The following ERCC3 variants were observed in gnomAD, a reference collection of about 807,000 sequenced individuals.
The protein encoded by ERCC3 is general transcription and DNA repair factor IIH helicase/translocase subunit XPB.
ERCC3 carries 66 observed loss-of-function variants against 94.2 expected under a neutral mutation model. The observed-to-expected ratio is 0.70, with a 90% CI of 0.57 to 0.86. The LOEUF is 0.86. Among genes scored for constraint, ERCC3 ranks in the 40% least tolerant of loss-of-function variants. The pLI is 0.00. For synonymous variants in ERCC3, 349 were observed against 369.1 expected, an observed-to-expected ratio of 0.95 and a Z score of 0.63; for missense variants, 829 against 987.1, an observed-to-expected ratio of 0.84 and a Z score of 2.15.
Position 127,259,206 on chromosome 2 carries a change from T to C in ERCC3, c.2217+90A>G. 6.8e-7 allele frequency: 1 copy of C among 1,470,822 alleles called. No individual in the cohort carries two copies. The highest frequency in any genetic ancestry group is 9.5e-7 in the Non-Finnish European group (1 of 1,053,672). 91.1% of individuals were successfully genotyped at this position (1,470,822 alleles called of 1,614,324 possible). A position where few individuals can be genotyped will look rare whatever the true frequency, so the allele number is the denominator to read the frequency against. On this transcript the variant is annotated intron_variant, in intron 14 of 14. Transcript: ENST00000285398. The surrounding 1 kb of genome is among the most constrained non-coding windows in gnomAD (Gnocchi z 4.9). ...TTTCCAAAAAAATCCCATGGGCCCA[T>C]CCAGGCAGGACTACATGTCTGTGTC...
intron 1 of ERCC3, 160 bp downstream of exon 1, chr2:127,293,894 G>C: frequency 6.6e-7 from 1 of 1,525,502 alleles, no homozygotes; most frequent in Non-Finnish European, 8.8e-7. Flanking sequence ...GCTGCGCCCA[G>C]GTCCAGCATC....
chr2:127,279,939 C>T lies in ERCC3; in HGVS notation c.1527+508G>A, dbSNP rs761223766. On this transcript the variant is annotated intron_variant, in intron 9 of 14. Transcript: ENST00000285398. This position sits in a 1 kb window ranked among gnomAD's most constrained non-coding sequence, Gnocchi z 4.7. ...TATTTTCACACCAGCTGCAAGTGTG[C>T]GAAACCAGATTCTCAATTGGTAGTG... 2.2e-4 allele frequency among the ~76,000 whole-genome samples: 34 copies of T among 152,262 alleles called. No individual in the cohort carries two copies. Among genetic ancestry groups the T allele is most frequent in the South Asian group, 4.1e-4 (2 of 4,834 alleles).
chr2:127,260,821 AG>A (rs1311574175), intron 13 of ERCC3: 1 of 208,984 alleles, frequency 4.8e-6, no homozygotes, highest in African/African-American at 2.3e-5. Flanking sequence ...AGTTAGCCAA[AG>A]CTTTAGAATT....
chr2:127,281,105 G>A, intron 8 of ERCC3: 4 of 406,784 alleles, frequency 9.8e-6, no homozygotes, highest in Non-Finnish European at 1.7e-5. Context: ...AATACAACCT[G>A]CAATACTTAC....
At chr2:127,292,040 G>C (rs950171552) in intron 3 of ERCC3, 1 of 181,650 alleles carries the variant, frequency 5.5e-6, no homozygotes, top group African/African-American at 2.3e-5. Flanking sequence ...TCAGTTTCTG[G>C]TGAAGGCTCT....
intron 8 of ERCC3, chr2:127,281,068 T>C (rs940681434): frequency 7.6e-5 from 32 of 423,306 alleles, no homozygotes; most frequent in Non-Finnish European, 1.2e-4. Context: ...ACAACAGTTA[T>C]CAGTAGAAGT....
rs903311098 is a variant in ERCC3, at chr2:127,277,809, A to G, written c.1730+1364T>C. On this transcript the variant is annotated intron_variant, in intron 10 of 14. Transcript: ENST00000285398. This position sits in a 1 kb window ranked among gnomAD's most constrained non-coding sequence, Gnocchi z 5.1. ...ACTTGTGCTATTCCCATATTGGGAG[A>G]ATGGTAGGAGAGAAAACAGGAGTGG... is the stretch of plus-strand genomic sequence containing the variant. Among the ~76,000 whole-genome samples, 7 of 152,222 alleles carry G rather than the reference A, an allele frequency of 4.6e-5. No homozygotes were observed. The highest frequency in any genetic ancestry group is 1.3e-4 in the Admixed American group (2 of 15,288).
intron 12 of ERCC3, among the ~76,000 whole-genome samples, chr2:127,263,238 T>C (rs1004213234): frequency 2.6e-5 from 4 of 152,240 alleles, no homozygotes. Context: ...AATCTGTAGA[T>C]TGTTTTGGGC....
rs973340670 is a variant in ERCC3 at position 127,275,874 on chromosome 2, C to G, written c.1731-2913G>C. The stretch of plus-strand genomic sequence containing the variant: ...GACTAGAGAAAGCAGAAGCTGGAGC[C>G]GGCAGGAGGGAAGACCGATACAAAA... On this transcript the variant is annotated intron_variant, in intron 10 of 14. Coordinates refer to ENST00000285398, the MANE Select transcript of ERCC3 (RefSeq NM_000122.2). Among the ~76,000 whole-genome samples, 7 of 152,212 alleles carry G rather than the reference C, an allele frequency of 4.6e-5. 1 individual carries two copies. Among genetic ancestry groups the G allele is most frequent in the South Asian group, 4.1e-4 (2 of 4,826 alleles).
chr2:127,290,071 T>C lies in ERCC3; in HGVS notation c.521+153A>G, dbSNP rs947096033. ...AAATACAGTGGCCAGTGGATGAGTT[T>C]CCAGTCTGGGCCACATCTCTTGTTT... On this transcript the variant is annotated intron_variant, in intron 4 of 14. Transcript: ENST00000285398. The C allele has an allele frequency of 6.2e-6, 5 of 804,228 alleles. No homozygotes were observed. The African/African-American group carries it at 8.5e-5, about 14-fold the overall frequency. The allele number at this position is 804,228 out of a possible 1,614,324, so 49.8% of individuals were successfully genotyped here.
chr2:127,291,257 T>C lies in ERCC3; in HGVS notation c.472-984A>G, dbSNP rs1022628726. Among the ~76,000 whole-genome samples, 16 of 151,432 alleles carry C rather than the reference T, an allele frequency of 1.1e-4. No individual in the cohort carries two copies. The highest frequency in any genetic ancestry group is 3.6e-4 in the African/African-American group (15 of 41,178). On this transcript the variant is annotated intron_variant, in intron 3 of 14. Coordinates refer to ENST00000285398, the MANE Select transcript of ERCC3 (RefSeq NM_000122.2). This position sits in a 1 kb window ranked among gnomAD's most constrained non-coding sequence, Gnocchi z 4.9. Reference sequence around the variant, plus strand: ...AGGTCCTCTCCTTGGGCACGCTTTCTTTTTTGTTGTTGTTCTGAGGCGGAG... The same window carrying C: ...AGGTCCTCTCCTTGGGCACGCTTTCCTTTTTGTTGTTGTTCTGAGGCGGAG...
rs1378348094 is a variant in ERCC3, at chr2:127,257,698, A to G, written c.2247T>C (p.Ser749=). ...QASRRFGTMS[S]MSGADDTVYM... ...ACACAGTGTCGTCGGCCCCAGACAT[A>G]GAACTCATGGTGCCAAAGCGCCGAG... The change falls in exon 15 of 15, where the codon TCT becomes TCC. Residue 749 remains serine, a synonymous_variant. Coordinates refer to ENST00000285398, the MANE Select transcript of ERCC3 (RefSeq NM_000122.2). This position sits in a 1 kb window ranked among gnomAD's most constrained non-coding sequence, Gnocchi z 5.4. The G allele has an allele frequency of 2.5e-6, 4 of 1,614,230 alleles. No individual in the cohort carries two copies. The South Asian group carries it at 4.4e-5, about 18-fold the overall frequency.
intron 2 of ERCC3, 105 bp from the exon 3 acceptor site, chr2:127,292,951 A>C (rs1186830947): frequency 1.2e-5 from 9 of 762,096 alleles, no homozygotes; most frequent in African/African-American, 5.1e-5. Context: ...GCCCAACACC[A>C]CAGATATTCT....
rs1450888871 is a variant in ERCC3, at chr2:127,258,099, C to G, written c.2218-372G>C. ...CACTTAATAACAACTTCTGAACAAA[C>G]TTTTTTTTTTTAAGAGAGAAACAGG... On this transcript the variant is annotated intron_variant, in intron 14 of 14. Coordinates refer to ENST00000285398, the MANE Select transcript of ERCC3 (RefSeq NM_000122.2). The surrounding 1 kb of genome is among the most constrained non-coding windows in gnomAD (Gnocchi z 4.1). Among the ~76,000 whole-genome samples the G allele has an allele frequency of 6.8e-6, 1 of 147,754 alleles. No homozygotes were observed. The highest frequency in any genetic ancestry group is 2.5e-5 in the African/African-American group (1 of 40,426).
rs1347573096 is a variant in ERCC3 at position 127,284,357 on chromosome 2, A to C, written c.1342+2346T>G. 2.0e-5 allele frequency: 3 copies of C among 152,276 alleles called. No individual in the cohort carries two copies. The highest frequency in any genetic ancestry group is 7.2e-5 in the African/African-American group (3 of 41,450). The allele number at this position is 152,276 out of a possible 1,614,324, so 9.4% of individuals were successfully genotyped here. ...CTACAAGACCTGCCCCAATACCGCT[A>C]ATCTTCCTCAGCCTTGACTACTGTT... On this transcript the variant is annotated intron_variant, in intron 8 of 14. Coordinates refer to ENST00000285398, the MANE Select transcript of ERCC3 (RefSeq NM_000122.2). The surrounding 1 kb of genome is among the most constrained non-coding windows in gnomAD (Gnocchi z 4.1).
chr2:127,271,277 T>C lies in ERCC3; in HGVS notation c.1945+59A>G. ...GCAGCTCTCACCCCTATCGTCTTCC[T>C]AACTAAAGTGGTTTAAGAGGAGTGA... On this transcript the variant is annotated intron_variant, in intron 12 of 14. Coordinates refer to ENST00000285398, the MANE Select transcript of ERCC3 (RefSeq NM_000122.2). The surrounding 1 kb of genome is among the most constrained non-coding windows in gnomAD (Gnocchi z 5.0). The C allele has an allele frequency of 3.4e-6, 4 of 1,188,846 alleles. No homozygotes were observed. The highest frequency in any genetic ancestry group is 2.3e-5 in the East Asian group (1 of 42,952). The allele number at this position is 1,188,846 out of a possible 1,614,324, so 73.6% of individuals were successfully genotyped here.
intron 3 of ERCC3, chr2:127,290,478 G>A: frequency 1.6e-6 from 1 of 639,212 alleles, no homozygotes. Flanking sequence ...TCTTCCTCTT[G>A]CCTGGGTAAT....
At chr2:127,276,584 T>C (rs1684741307) in intron 10 of ERCC3, among the ~76,000 whole-genome samples, 1 of 150,682 alleles carries the variant, frequency 6.6e-6, no homozygotes, top group Non-Finnish European at 1.5e-5. Flanking sequence ...GACAAAGAGA[T>C]AAAAAAGTAG....
In ERCC3 at chr2:127,257,374, C is replaced by T; in HGVS notation, c.*222G>A. The T allele has an allele frequency of 1.6e-6, 1 of 606,514 alleles. No homozygotes were observed. Among genetic ancestry groups the T allele is most frequent in the Non-Finnish European group, 3.0e-6 (1 of 332,366 alleles). The allele number at this position is 606,514 out of a possible 1,614,324, so 37.6% of individuals were successfully genotyped here. On this transcript the variant is annotated 3_prime_UTR_variant, in exon 15 of 15. Coordinates refer to ENST00000285398, the MANE Select transcript of ERCC3 (RefSeq NM_000122.2). This position sits in a 1 kb window ranked among gnomAD's most constrained non-coding sequence, Gnocchi z 5.4. ...TAACATTTTTTATATACAGAAATGA[C>T]CCCACTCCCCAAAAAGTTTGAAAAA...
Sources: allele counts gnomAD v4.1 joint callset (sites outside exome capture counted in the v4.1 genomes callset), GRCh38; gene constraint gnomAD v4.1.1; non-coding constraint Gnocchi (gnomAD v3.1); transcripts MANE v1.5; gene names NCBI Gene and HGNC (gene_info 2026-07-23, HGNC 2026-07-21).